GRAMD2A: variants seen among roughly 807,000 people sequenced by gnomAD.
GRAMD2A encodes the protein GRAM domain-containing protein 2A.
Under a neutral mutation model 51.1 loss-of-function variants are expected in GRAMD2A, and 37 were observed. That is an observed-to-expected ratio of 0.72 (90% CI 0.56 to 0.95). The LOEUF (loss-of-function observed/expected upper bound fraction) is 0.95, where lower values mean the gene tolerates loss of function less well. Ranked by LOEUF, GRAMD2A falls within the 40% of genes least tolerant of loss-of-function variation. The pLI is 0.00. For missense variants in GRAMD2A, 414 were observed against 426.9 expected, an observed-to-expected ratio of 0.97 and a Z score of 0.27; for synonymous variants, 136 against 157.1, an observed-to-expected ratio of 0.87 and a Z score of 1.01.
chr15:72,165,796 G>A (rs1438729276), intron 7 of GRAMD2A, among the ~76,000 whole-genome samples: 5 of 150,846 alleles, frequency 3.3e-5, no homozygotes, highest in Admixed American at 3.3e-4. Context: ...TGGTGCAAAA[G>A]TGATAGGCTT....
chr15:72,184,491 G>A (rs774500940), intron 1 of GRAMD2A, among the ~76,000 whole-genome samples: 4 of 152,224 alleles, frequency 2.6e-5, no homozygotes, highest in Non-Finnish European at 5.9e-5. Context: ...AGGAGCGCGC[G>A]CCCCTCTGAG....
At position 72,163,263 on chromosome 15, in the gene GRAMD2A, T is replaced by C; in HGVS notation, c.956+3A>G. Reference sequence around the variant, plus strand: ...TGTCCCCCTCCCCAGTATAGTCACTTACAGCACAAAGAAGACCTTGAGGAG... The same window carrying C: ...TGTCCCCCTCCCCAGTATAGTCACTCACAGCACAAAGAAGACCTTGAGGAG... On this transcript the variant is annotated splice_donor_region_variant and intron_variant, in intron 10 of 11. Transcript: ENST00000309731. 6.2e-7 allele frequency: 1 copy of C among 1,610,878 alleles called. No individual in the cohort carries two copies. The highest frequency in any genetic ancestry group is 8.5e-7 in the Non-Finnish European group (1 of 1,177,078).
At chr15:72,162,780 G>A (rs1055409656) in intron 10 of GRAMD2A, 6 of 212,348 alleles carry the variant, frequency 2.8e-5, no homozygotes, top group Non-Finnish European at 4.8e-5. Flanking sequence ...GTCAAAACCC[G>A]GCCAGCCGAG....
In GRAMD2A at chr15:72,170,197, T is replaced by A. The variant is rs2081595446; in HGVS notation, c.42-258A>T. On this transcript the variant is annotated intron_variant, in intron 1 of 11. Transcript: ENST00000309731. This position sits in a 1 kb window ranked among gnomAD's most constrained non-coding sequence, Gnocchi z 4.5. ...GCTTATGCCTAGGCTGGGAGGAAAA[T>A]CAACCTGTCTACCTCATCTCCAGTG... is the stretch of plus-strand genomic sequence containing the variant. 2 of 603,796 alleles carry A rather than the reference T, an allele frequency of 3.3e-6. No homozygotes were observed. Among genetic ancestry groups the A allele is most frequent in the East Asian group, 3.6e-5 (1 of 27,674 alleles). 37.4% of individuals were successfully genotyped at this position (603,796 alleles called of 1,614,324 possible).
chr15:72,163,092 C>A (rs2081497711), intron 10 of GRAMD2A, among the ~76,000 whole-genome samples, 174 bp downstream of exon 10: 1 of 152,226 alleles, frequency 6.6e-6, no homozygotes, highest in Non-Finnish European at 1.5e-5. Flanking sequence ...GAGATCCTTT[C>A]TCTTGCTACA....
intron 1 of GRAMD2A, among the ~76,000 whole-genome samples, chr15:72,185,220 G>GTCT (rs200339708): frequency 0.011 from 1,674 of 146,738 alleles, 31 homozygotes; most frequent in African/African-American, 0.041. Context: ...TTGAGACGGA[G>GTCT]TCTTGCTCTG....
Position 72,166,577 on chromosome 15 carries a change from A to T in GRAMD2A, c.543+55T>A. The T allele has an allele frequency of 7.6e-7, 1 of 1,319,240 alleles. No homozygotes were observed. The highest frequency in any genetic ancestry group is 1.1e-6 in the Non-Finnish European group (1 of 913,228). 81.7% of individuals were successfully genotyped at this position (1,319,240 alleles called of 1,614,324 possible). A position where few individuals can be genotyped will look rare whatever the true frequency, so the allele number is the denominator to read the frequency against. ...ACCTCCCCCAACACCCTTGTGCAAG[A>T]CCTGCATCCAGGCCTGAGCGACTTC... On this transcript the variant is annotated intron_variant, in intron 7 of 11. Coordinates refer to ENST00000309731, the MANE Select transcript of GRAMD2A (RefSeq NM_001012642.3). The surrounding 1 kb of genome is among the most constrained non-coding windows in gnomAD (Gnocchi z 4.1).
Position 72,166,558 on chromosome 15 carries a change from C to A in GRAMD2A, c.543+74G>T. 1 of 1,132,720 alleles carries A rather than the reference C, an allele frequency of 8.8e-7. No homozygotes were observed. The allele number at this position is 1,132,720 out of a possible 1,614,324, so 70.2% of individuals were successfully genotyped here. A position where few individuals can be genotyped will look rare whatever the true frequency, so the allele number is the denominator to read the frequency against. On this transcript the variant is annotated intron_variant, in intron 7 of 11. Transcript: ENST00000309731. The surrounding 1 kb of genome is among the most constrained non-coding windows in gnomAD (Gnocchi z 4.1). ...TGTGCTGGAGAGATGGGCGACCTCC[C>A]CCAACACCCTTGTGCAAGACCTGCA...
At chr15:72,195,360 G>A (rs1284812084) in intron 1 of GRAMD2A, among the ~76,000 whole-genome samples, 1 of 152,230 alleles carries the variant, frequency 6.6e-6, no homozygotes, top group Non-Finnish European at 1.5e-5. Flanking sequence ...TGATTCCAGA[G>A]TGAGGCTCTT....
intron 1 of GRAMD2A, among the ~76,000 whole-genome samples, chr15:72,188,438 T>C (rs1256477385): frequency 1.3e-5 from 2 of 152,152 alleles, no homozygotes; most frequent in African/African-American, 2.4e-5. Context: ...TATGTTTTAT[T>C]TGTAGACTGG....
At position 72,166,475 on chromosome 15, in the gene GRAMD2A, T is replaced by C. The variant is rs1567082202; in HGVS notation, c.543+157A>G. Among the ~76,000 whole-genome samples, 1 of 152,148 alleles carries C rather than the reference T, an allele frequency of 6.6e-6. No homozygotes were observed. Among genetic ancestry groups the C allele is most frequent in the Non-Finnish European group, 1.5e-5 (1 of 68,020 alleles). Reference sequence around the variant, plus strand: ...TGCAAGCATAGACACACAATCCAAGTACTGTCTCTTGTACATTGAGCCTGA... The same window carrying C: ...TGCAAGCATAGACACACAATCCAAGCACTGTCTCTTGTACATTGAGCCTGA... On this transcript the variant is annotated intron_variant, in intron 7 of 11. Transcript: ENST00000309731. The surrounding 1 kb of genome is among the most constrained non-coding windows in gnomAD (Gnocchi z 4.1).
At chr15:72,190,212 T>TA (rs952496434) in intron 1 of GRAMD2A, among the ~76,000 whole-genome samples, 10 of 151,242 alleles carry the variant, frequency 6.6e-5, no homozygotes, top group South Asian at 2.1e-4. Flanking sequence ...CCGTGTCTAC[T>TA]AAAAAAAATA....
At chr15:72,192,064 G>C (rs1476272855) in intron 1 of GRAMD2A, among the ~76,000 whole-genome samples, 1 of 152,030 alleles carries the variant, frequency 6.6e-6, no homozygotes, top group Non-Finnish European at 1.5e-5. Context: ...TTTTTTAAAG[G>C]CTCTTTTATA....
intron 2 of GRAMD2A, 98 bp downstream of exon 2, chr15:72,169,749 C>A: frequency 1.0e-6 from 1 of 990,248 alleles, no homozygotes; most frequent in Non-Finnish European, 1.6e-6. Context: ...CAAAGGGGCC[C>A]CGGCTCTGCC....
rs749939238 is a variant in GRAMD2A, at chr15:72,169,847, C to G, written c.134G>C (p.Ser45Thr). ...CTATGACTGGGAAAGGGGTCCTCAC[C>G]TGTAGTCCGGGGGCTCCTCAACTCT... Reference protein sequence around the residue: ...PDRVEEPPDYSLHWPEGLKGE... With the variant: ...PDRVEEPPDYTLHWPEGLKGE... The change falls in exon 2 of 12, where the codon AGT (serine) becomes ACT (threonine). Residue 45 changes from serine (S) to threonine (T), a missense_variant and splice_region_variant. Coordinates refer to ENST00000309731, the MANE Select transcript of GRAMD2A (RefSeq NM_001012642.3). 6.2e-7 allele frequency: 1 copy of G among 1,611,368 alleles called. No individual in the cohort carries two copies. Among genetic ancestry groups the G allele is most frequent in the Non-Finnish European group, 8.5e-7 (1 of 1,177,444 alleles).
Position 72,163,442 on chromosome 15 carries a change from A to G in GRAMD2A, c.780T>C (p.Gly260=). 6.2e-7 allele frequency: 1 copy of G among 1,613,876 alleles called. No individual in the cohort carries two copies. Among genetic ancestry groups the G allele is most frequent in the Non-Finnish European group, 8.5e-7 (1 of 1,179,922 alleles). ...CTGGCATGGGCCATGCCCACCTCCC[A>G]CCATTTTCTGAAGCTACTTGGGCTC... ...KSRAQVASEN[G]GRWAWPMPGW... is the part of the protein sequence containing the mutation. The change falls in exon 10 of 12, where the codon GGT becomes GGC. Residue 260 remains glycine (G), a synonymous_variant. Coordinates refer to ENST00000309731, the MANE Select transcript of GRAMD2A (RefSeq NM_001012642.3).
rs1247488679 is a variant in GRAMD2A at position 72,166,457 on chromosome 15, A to G, written c.543+175T>C. On this transcript the variant is annotated intron_variant, in intron 7 of 11. Coordinates refer to ENST00000309731, the MANE Select transcript of GRAMD2A (RefSeq NM_001012642.3). This position sits in a 1 kb window ranked among gnomAD's most constrained non-coding sequence, Gnocchi z 4.1. ...TGGCCTCAAAGACATGCTTGCAAGC[A>G]TAGACACACAATCCAAGTACTGTCT... Among the ~76,000 whole-genome samples, 1 of 152,208 alleles carries G rather than the reference A, an allele frequency of 6.6e-6. No individual in the cohort carries two copies. The highest frequency in any genetic ancestry group is 1.5e-5 in the Non-Finnish European group (1 of 68,028).
intron 2 of GRAMD2A, 175 bp from the exon 3 acceptor site, chr15:72,169,171 T>C: frequency 1.6e-6 from 1 of 638,864 alleles, no homozygotes; most frequent in South Asian, 1.8e-5. Context: ...AGCTAAACTA[T>C]ACAGCTCATC....
At position 72,159,857 on chromosome 15, in the gene GRAMD2A, C is replaced by G. The variant is rs2081452044; in HGVS notation, c.*2152G>C. 6.6e-6 allele frequency: 1 copy of G among 152,026 alleles called. No homozygotes were observed. The highest frequency in any genetic ancestry group is 6.6e-5 in the Admixed American group (1 of 15,266). 9.4% of individuals were successfully genotyped at this position (152,026 alleles called of 1,614,324 possible). ...TTTAAAATATTTTCAAAGGCTAAGG[C>G]CATAGCAAAACAACCCAAGGGTGGT... On this transcript the variant is annotated 3_prime_UTR_variant, in exon 12 of 12. Transcript: ENST00000309731.
Sources: allele counts gnomAD v4.1 joint callset (sites outside exome capture counted in the v4.1 genomes callset), GRCh38; gene constraint gnomAD v4.1.1; non-coding constraint Gnocchi (gnomAD v3.1); transcripts MANE v1.5; gene names NCBI Gene and HGNC (gene_info 2026-07-23, HGNC 2026-07-21).